Variants in EPHA5 observed in about 807,000 individuals in gnomAD.
EPHA5 encodes the protein ephrin type-A receptor 5.
Under a neutral mutation model 105.0 loss-of-function variants are expected in EPHA5, and 60 were observed. The observed-to-expected ratio is 0.57, with a 90% confidence interval of 0.46 to 0.71. EPHA5 has a LOEUF of 0.71. Among genes scored for constraint, EPHA5 ranks in the 30% least tolerant of loss-of-function variants. The probability of loss-of-function intolerance (pLI) is 0.00; values close to 1 mark genes in which losing one functional copy is unlikely to be tolerated. For synonymous variants in EPHA5, 513 were observed against 449.1 expected, an observed-to-expected ratio of 1.14 and a Z score of -1.80; for missense variants, 1,218 against 1,274.7, an observed-to-expected ratio of 0.96 and a Z score of 0.68.
At chr4:65,426,219 T>C (rs1724427958) in intron 5 of EPHA5, among the ~76,000 whole-genome samples, 1 of 152,214 alleles carries the variant, frequency 6.6e-6, no homozygotes, top group African/African-American at 2.4e-5. Flanking sequence ...GATTTTATTT[T>C]ATCTTTCCTT....
chr4:65,510,569 G>C (rs772221177), intron 3 of EPHA5, among the ~76,000 whole-genome samples: 2 of 152,036 alleles, frequency 1.3e-5, no homozygotes, highest in Non-Finnish European at 2.9e-5. Context: ...CTCTTTTGTG[G>C]AATTTCTGAA....
At chr4:65,351,295 GTT>G in intron 13 of EPHA5, 92 bp downstream of exon 13, 1 of 1,122,232 alleles carries the variant, frequency 8.9e-7, no homozygotes, top group Non-Finnish European at 1.3e-6. Flanking sequence ...TTTTGACTTT[GTT>G]GCAGGAATGC....
chr4:65,408,373 G>T (rs553998007), intron 7 of EPHA5, among the ~76,000 whole-genome samples: 1 of 151,996 alleles, frequency 6.6e-6, no homozygotes, highest in Non-Finnish European at 1.5e-5. Context: ...TAATGATGCT[G>T]TTTTGGAAAA....
At chr4:65,373,710 A>G (rs990122164) in intron 8 of EPHA5, among the ~76,000 whole-genome samples, 10 of 151,916 alleles carry the variant, frequency 6.6e-5, no homozygotes, top group Admixed American at 5.9e-4. Context: ...AAAGTCTTTA[A>G]AAATGAAGTT....
chr4:65,359,267 G>C (rs966568713), intron 11 of EPHA5, among the ~76,000 whole-genome samples: 10 of 151,402 alleles, frequency 6.6e-5, no homozygotes, highest in African/African-American at 2.4e-4. Flanking sequence ...TAATGAGCTT[G>C]GTTCTGTCTC....
At chr4:65,476,127 A>T (rs10008734) in intron 5 of EPHA5, among the ~76,000 whole-genome samples, 71,686 of 122,202 alleles carry the variant, frequency 0.59, 21,562 homozygotes, top group Middle Eastern at 0.71. Flanking sequence ...AGAGAGAGAG[A>T]GTGTGTGTGT....
At chr4:65,600,428 A>G (rs1459024130) in intron 3 of EPHA5, among the ~76,000 whole-genome samples, 4 of 152,194 alleles carry the variant, frequency 2.6e-5, no homozygotes, top group Non-Finnish European at 4.4e-5. Context: ...CAAAGATACA[A>G]AATAGAAACT....
chr4:65,564,065 C>G (rs959649024), intron 3 of EPHA5, among the ~76,000 whole-genome samples: 1 of 144,788 alleles, frequency 6.9e-6, no homozygotes, highest in African/African-American at 2.9e-5. Flanking sequence ...TGCTATGCTT[C>G]ACACAGTTTT....
chr4:65,514,763 C>T (rs969857710), intron 3 of EPHA5, among the ~76,000 whole-genome samples: 1 of 152,076 alleles, frequency 6.6e-6, no homozygotes, highest in Non-Finnish European at 1.5e-5. Context: ...AACTATATAA[C>T]CAATTCAATT....
chr4:65,324,051 A>T lies in EPHA5; in HGVS notation c.*63T>A. Reference sequence around the variant, plus strand: ...CTTTTCCCCCTTTTTTTGTTAAAATAAATCTCAGTGCTGTTTACAAAGTGC... The same window carrying T: ...CTTTTCCCCCTTTTTTTGTTAAAATTAATCTCAGTGCTGTTTACAAAGTGC... On this transcript the variant is annotated 3_prime_UTR_variant, in exon 17 of 17. Transcript: ENST00000613740. 2 of 1,075,540 alleles carry T rather than the reference A, an allele frequency of 1.9e-6. No individual in the cohort carries two copies. The highest frequency in any genetic ancestry group is 2.8e-6 in the Non-Finnish European group (2 of 716,534). 66.6% of individuals were successfully genotyped at this position (1,075,540 alleles called of 1,614,324 possible).
At chr4:65,474,661 G>A (rs1560579328) in intron 5 of EPHA5, among the ~76,000 whole-genome samples, 1 of 152,138 alleles carries the variant, frequency 6.6e-6, no homozygotes, top group Non-Finnish European at 1.5e-5. Context: ...TGCTTGTTCT[G>A]ATAAAGAAGA....
At chr4:65,387,010 T>G (rs1720164182) in intron 8 of EPHA5, among the ~76,000 whole-genome samples, 1 of 151,986 alleles carries the variant, frequency 6.6e-6, no homozygotes, top group South Asian at 2.1e-4. Context: ...CTTGGTAATG[T>G]CAGCAAATCA....
At chr4:65,448,205 G>C (rs535603287) in intron 5 of EPHA5, among the ~76,000 whole-genome samples, 2 of 148,886 alleles carry the variant, frequency 1.3e-5, no homozygotes, top group South Asian at 4.2e-4. Context: ...AGTATGTCAT[G>C]AGAAATGAAA....
intron 3 of EPHA5, among the ~76,000 whole-genome samples, chr4:65,540,265 G>A (rs1401779597): frequency 6.6e-6 from 1 of 151,452 alleles, no homozygotes; most frequent in Non-Finnish European, 1.5e-5. Context: ...GAAGAAATAT[G>A]CACATGAAAA....
intron 3 of EPHA5, among the ~76,000 whole-genome samples, chr4:65,573,070 G>T (rs545107592): frequency 2.0e-5 from 3 of 151,618 alleles, no homozygotes; most frequent in African/African-American, 7.3e-5. Flanking sequence ...TAGTTATCAC[G>T]ATAATTCTGG....
At chr4:65,615,534 A>T (rs914018931) in intron 2 of EPHA5, among the ~76,000 whole-genome samples, 3 of 151,940 alleles carry the variant, frequency 2.0e-5, no homozygotes, top group African/African-American at 7.2e-5. Context: ...CAATAATTCT[A>T]TATCTAGCAA....
At chr4:65,523,661 A>G (rs192749392) in intron 3 of EPHA5, among the ~76,000 whole-genome samples, 56 of 152,132 alleles carry the variant, frequency 3.7e-4, no homozygotes, top group African/African-American at 1.3e-3. Flanking sequence ...ACCAGGAACT[A>G]TCAGTGAAGA....
intron 8 of EPHA5, among the ~76,000 whole-genome samples, chr4:65,394,684 C>A (rs1721046076): frequency 6.6e-6 from 1 of 151,700 alleles, no homozygotes; most frequent in African/African-American, 2.4e-5. Flanking sequence ...AAGGCAGGAC[C>A]ATTCTTACAA....
At chr4:65,519,965 T>G (rs939164736) in intron 3 of EPHA5, among the ~76,000 whole-genome samples, 1 of 152,158 alleles carries the variant, frequency 6.6e-6, no homozygotes, top group Non-Finnish European at 1.5e-5. Context: ...AAGTAATTTA[T>G]AGATTTAATG....
Sources: gnomAD v4.1 joint callset for allele counts (sites outside exome capture counted in the v4.1 genomes callset) on GRCh38, gnomAD v4.1.1 for gene constraint, MANE v1.5 for transcripts, NCBI Gene and HGNC (gene_info 2026-07-23, HGNC 2026-07-21) for gene names.